The following CTNNA3 variants were observed in gnomAD, a reference collection of about 807,000 sequenced individuals.
The protein encoded by CTNNA3 is catenin alpha 3.
In CTNNA3, 76 loss-of-function variants were observed where a neutral mutation model predicts 95.7. The observed-to-expected ratio is 0.79, with a 90% CI of 0.66 to 0.96. The LOEUF (loss-of-function observed/expected upper bound fraction) is 0.96. Among genes scored for constraint, CTNNA3 ranks in the 40% least tolerant of loss-of-function variants. The pLI is 0.00. For synonymous variants in CTNNA3, 431 were observed against 374.4 expected, an observed-to-expected ratio of 1.15 and a Z score of -1.74; for missense variants, 1,191 against 1,089.8, an observed-to-expected ratio of 1.09 and a Z score of -1.31.
intron 7 of CTNNA3, among the ~76,000 whole-genome samples, chr10:67,149,502 G>A (rs1193063191): frequency 1.3e-5 from 2 of 152,074 alleles, no homozygotes; most frequent in African/African-American, 2.4e-5. Context: ...GGAAAATGGC[G>A]TGAACCCGGG....
chr10:67,760,314 T>C (rs549228840), intron 1 of CTNNA3, among the ~76,000 whole-genome samples: 2 of 152,302 alleles, frequency 1.3e-5, no homozygotes, highest in South Asian at 2.1e-4. Context: ...TCTACTGCCA[T>C]CTACACGTCT....
intron 10 of CTNNA3, among the ~76,000 whole-genome samples, chr10:66,529,016 T>C (rs145221555): frequency 6.6e-6 from 1 of 152,172 alleles, no homozygotes; most frequent in Non-Finnish European, 1.5e-5. Context: ...AAAATTAGTA[T>C]CTAGTTGGTT....
chr10:66,031,272 T>A lies in CTNNA3; in HGVS notation c.2159+38036A>T, dbSNP rs185567460. 8.7e-3 allele frequency among the ~76,000 whole-genome samples: 1,323 copies of A among 152,302 alleles called. 5 individuals carry two copies. Among genetic ancestry groups the A allele is most frequent in the Non-Finnish European group, 0.012 (837 of 68,032 alleles). ...TGCACTCATATGTTCATCGCAGCACTATTCACAATAGCAAAGACATTGAAT... is the reference window on the plus strand; with the variant it reads ...TGCACTCATATGTTCATCGCAGCACAATTCACAATAGCAAAGACATTGAAT... On this transcript the variant is annotated intron_variant, in intron 15 of 17. Coordinates refer to ENST00000433211, the MANE Select transcript of CTNNA3 (RefSeq NM_013266.4).
chr10:66,358,641 G>A (rs1337737119), intron 12 of CTNNA3, among the ~76,000 whole-genome samples: 1 of 152,048 alleles, frequency 6.6e-6, no homozygotes, highest in African/African-American at 2.4e-5. Context: ...TTTCTTTCAA[G>A]GACACAATAC....
At chr10:66,102,250 T>C (rs2081664888) in intron 14 of CTNNA3, among the ~76,000 whole-genome samples, 2 of 152,156 alleles carry the variant, frequency 1.3e-5, no homozygotes, top group Admixed American at 1.3e-4. Context: ...ATCATGATAA[T>C]CCTACTATTG....
chr10:67,697,054 A>G (rs1046555316), upstream of CTNNA3, among the ~76,000 whole-genome samples: 11 of 152,240 alleles, frequency 7.2e-5, no homozygotes, highest in Non-Finnish European at 1.6e-4. Context: ...TACTCTTAGC[A>G]CAAATTTCAG....
At chr10:66,892,551 G>A (rs1455226520) in intron 7 of CTNNA3, among the ~76,000 whole-genome samples, 4 of 127,438 alleles carry the variant, frequency 3.1e-5, no homozygotes, top group Non-Finnish European at 7.3e-5. Context: ...TAACCAAGAA[G>A]TAGAATTCAA....
At chr10:66,025,981 A>T (rs1433307304) in intron 15 of CTNNA3, among the ~76,000 whole-genome samples, 1 of 152,236 alleles carries the variant, frequency 6.6e-6, no homozygotes, top group African/African-American at 2.4e-5. Flanking sequence ...GCTAAAAATC[A>T]AAATGTGAGT....
intron 15 of CTNNA3, among the ~76,000 whole-genome samples, chr10:66,004,047 A>G (rs1401905577): frequency 1.3e-5 from 2 of 152,234 alleles, no homozygotes; most frequent in Non-Finnish European, 2.9e-5. Context: ...TTTCTCCAAC[A>G]TATAAGAATA....
intron 7 of CTNNA3, among the ~76,000 whole-genome samples, chr10:67,176,047 C>T (rs1862227914): frequency 6.6e-6 from 1 of 151,862 alleles, no homozygotes; most frequent in African/African-American, 2.4e-5. Context: ...TATATATATC[C>T]CTAAGTTTTA....
intron 14 of CTNNA3, chr10:66,098,580 G>A (rs575900124): frequency 3.7e-4 from 57 of 152,210 alleles, no homozygotes; most frequent in African/African-American, 1.4e-3. Flanking sequence ...AAGCTTTTAG[G>A]ACTTACAAAC....
intron 1 of CTNNA3, 66 bp from the exon 2 acceptor site, chr10:67,647,584 G>T: frequency 7.8e-7 from 1 of 1,281,628 alleles, no homozygotes; most frequent in Non-Finnish European, 1.1e-6. Context: ...GAACACTTAT[G>T]AAATCATGGA....
intron 13 of CTNNA3, among the ~76,000 whole-genome samples, chr10:66,244,205 T>C (rs982831922): frequency 1.3e-5 from 2 of 152,188 alleles, no homozygotes; most frequent in African/African-American, 2.4e-5. Flanking sequence ...GACTTTGTCT[T>C]GTGGTTTGAG....
At chr10:66,618,247 C>T (rs373073205) in intron 10 of CTNNA3, among the ~76,000 whole-genome samples, 20 of 151,496 alleles carry the variant, frequency 1.3e-4, no homozygotes, top group South Asian at 4.2e-4. Flanking sequence ...GAGCCCGCAT[C>T]GCCAAGTCAA....
chr10:66,105,934 A>G (rs565242486), intron 13 of CTNNA3, among the ~76,000 whole-genome samples: 1 of 152,300 alleles, frequency 6.6e-6, no homozygotes, highest in Admixed American at 6.5e-5. Flanking sequence ...CACTAAACAC[A>G]AATAATAGAA....
chr10:67,405,180 T>A (rs1374959624), intron 5 of CTNNA3, among the ~76,000 whole-genome samples: 1 of 152,172 alleles, frequency 6.6e-6, no homozygotes, highest in African/African-American at 2.4e-5. Context: ...GCTAGCATCA[T>A]GATCACAGGA....
intron 9 of CTNNA3, among the ~76,000 whole-genome samples, chr10:66,743,350 A>C (rs1849391126): frequency 6.6e-6 from 1 of 152,220 alleles, no homozygotes; most frequent in African/African-American, 2.4e-5. Context: ...CCCTCTGCAA[A>C]TAAAATTAAT....
intron 17 of CTNNA3, among the ~76,000 whole-genome samples, chr10:65,950,209 T>C: frequency 6.6e-6 from 1 of 152,174 alleles, no homozygotes; most frequent in East Asian, 1.9e-4. Flanking sequence ...CCTGTGACTT[T>C]AGTATTCTTT....
At chr10:66,136,903 C>A (rs1025737961) in intron 13 of CTNNA3, among the ~76,000 whole-genome samples, 3 of 152,020 alleles carry the variant, frequency 2.0e-5, no homozygotes, top group African/African-American at 7.2e-5. Flanking sequence ...CTCACTGCAA[C>A]CTCCACCTCG....
Sources: allele counts gnomAD v4.1 joint callset (sites outside exome capture counted in the v4.1 genomes callset), GRCh38; gene constraint gnomAD v4.1.1; transcripts MANE v1.5; gene names NCBI Gene and HGNC (gene_info 2026-07-23, HGNC 2026-07-21).